SYNE1: variants seen among roughly 807,000 people sequenced by gnomAD.
SYNE1 encodes nesprin-1.
In SYNE1, 616 loss-of-function variants were observed where a neutral mutation model predicts 1,111.0. That is an observed-to-expected ratio of 0.55 (90% CI 0.52 to 0.59). The LOEUF is 0.59. SYNE1 is among the 20% of genes least tolerant of loss of function. The pLI is 0.00. For missense variants in SYNE1, 10,006 were observed against 10,417.0 expected (o/e 0.96, Z 1.72); for synonymous variants, 3,855 against 3,825.8 (o/e 1.01, Z -0.28).
At position 152,231,254 on chromosome 6, in the gene SYNE1, TTAACCTTCAGCGG is replaced by T. The variant is rs2082690331; in HGVS notation, c.21039+124_21039+136del. 5.9e-6 allele frequency: 5 copies of T among 848,398 alleles called. No individual in the cohort carries two copies. The Admixed American group carries it at 9.9e-5, about 17-fold the overall frequency. The allele number at this position is 848,398 out of a possible 1,614,324, so 52.6% of individuals were successfully genotyped here. On this transcript the variant is annotated intron_variant, in intron 114 of 145. Coordinates refer to ENST00000367255, the MANE Select transcript of SYNE1 (RefSeq NM_182961.4). ...ACAGGTTAAAGGAAGTTTAGGGTGA[TTAACCTTCAGCGG>T]TATTATTGGAAGCGTTCTTTGCCCA...
chr6:152,623,656 A>C (rs2099680205), intron 3 of SYNE1, among the ~76,000 whole-genome samples: 1 of 152,328 alleles, frequency 6.6e-6, no homozygotes, highest in African/African-American at 2.4e-5. Context: ...ATCTATAAGG[A>C]ACTTAAATTT....
chr6:152,459,069 A>T, intron 21 of SYNE1, 139 bp from the exon 22 acceptor site: 1 of 811,738 alleles, frequency 1.2e-6, no homozygotes, highest in Non-Finnish European at 2.0e-6. Flanking sequence ...CATTTCTTTA[A>T]TGATATTTCC....
In SYNE1 at chr6:152,364,835, A is replaced by G. The variant is rs112401775; in HGVS notation, c.10145+12T>C. On this transcript the variant is annotated intron_variant, in intron 63 of 145. Coordinates refer to ENST00000367255, the MANE Select transcript of SYNE1 (RefSeq NM_182961.4). ...AATAGCTTCCCCAGTGCTTGGCTGT[A>G]GTTTCCCTCACCTTTTACAACGAAT... 8.4e-3 allele frequency: 13,562 copies of G among 1,614,120 alleles called. 989 individuals carry two copies. The African/African-American group carries it at 0.16, about 19-fold the overall frequency.
At chr6:152,389,975 A>T (rs1033948794) in intron 53 of SYNE1, among the ~76,000 whole-genome samples, 8 of 152,252 alleles carry the variant, frequency 5.3e-5, no homozygotes, top group Non-Finnish European at 1.2e-4. Context: ...TTAAAGAACC[A>T]TATATTCTTG....
intron 4 of SYNE1, among the ~76,000 whole-genome samples, chr6:152,538,761 A>G (rs1370908184): frequency 6.6e-6 from 1 of 152,156 alleles, no homozygotes. Flanking sequence ...GCCTTTTTAC[A>G]GAGCAGATTG....
chr6:152,365,159 G>A, intron 62 of SYNE1, 140 bp from the exon 63 acceptor site: 2 of 1,038,514 alleles, frequency 1.9e-6, no homozygotes, highest in Non-Finnish European at 2.8e-6. Context: ...GAGACAGAGG[G>A]TGGGGAAGTG....
At chr6:152,623,848 A>G (rs2099680712) in intron 3 of SYNE1, among the ~76,000 whole-genome samples, 1 of 152,174 alleles carries the variant, frequency 6.6e-6, no homozygotes, top group Non-Finnish European at 1.5e-5. Flanking sequence ...ATCATAGCCA[A>G]TGATGCTAAA....
intron 65 of SYNE1, 114 bp downstream of exon 65, chr6:152,359,201 C>T (rs1309986464): frequency 6.8e-6 from 10 of 1,468,920 alleles, no homozygotes; most frequent in South Asian, 5.8e-5. Flanking sequence ...ATTCATTTTG[C>T]TTTTGTTCTG....
intron 2 of SYNE1, among the ~76,000 whole-genome samples, chr6:152,632,470 T>TTAATAAAAAGAAGG (rs565764399): frequency 1.5e-4 from 23 of 152,310 alleles, no homozygotes; most frequent in African/African-American, 5.1e-4. Context: ...TTAAATGATG[T>TTAATAAAAAGAAGG]TAATAAAAAG....
chr6:152,290,706 T>TTGG (rs2094561957), intron 95 of SYNE1, among the ~76,000 whole-genome samples: 1 of 152,178 alleles, frequency 6.6e-6, no homozygotes, highest in African/African-American at 2.4e-5. Flanking sequence ...CAAGAGAGTG[T>TTGG]TGGGAAAGAA....
chr6:152,318,933 T>C lies in SYNE1; in HGVS notation c.16319A>G (p.Asp5440Gly). Residue 5440 changes from aspartate (D) to glycine (G), a missense_variant, in exon 85 of 146, where the codon GAC (aspartate) becomes GGC (glycine). By Grantham distance (94) the Asp-to-Gly change is moderately conservative (BLOSUM62 -1). This residue lies in a region of SYNE1 where 4,955 missense variants were observed against 5,017.2 expected (regional missense o/e 0.99). Coordinates refer to ENST00000367255, the MANE Select transcript of SYNE1 (RefSeq NM_182961.4). ...LSRQIQKLAK[D>G]LTTILTKLKA... The stretch of plus-strand genomic sequence containing the variant: ...CAGCTTAGTTAGAATAGTTGTGAGG[T>C]CTTTAGCTAACTTCTGAATTTGCCG... The C allele has an allele frequency of 6.2e-7, 1 of 1,614,208 alleles. No individual in the cohort carries two copies. The highest frequency in any genetic ancestry group is 8.5e-7 in the Non-Finnish European group (1 of 1,180,034).
intron 59 of SYNE1, among the ~76,000 whole-genome samples, chr6:152,369,982 CAA>C (rs778013525): frequency 0.021 from 1,033 of 49,858 alleles, no homozygotes; most frequent in African/African-American, 0.082. Context: ...GACTCTGTCT[CAA>C]AAAAAAAAAA....
intron 39 of SYNE1, among the ~76,000 whole-genome samples, chr6:152,423,917 G>A (rs549356767): frequency 3.9e-5 from 6 of 152,142 alleles, no homozygotes; most frequent in African/African-American, 9.7e-5. Context: ...GAGAGGTCTC[G>A]CTTGACCACC....
intron 16 of SYNE1, 125 bp downstream of exon 16, chr6:152,471,472 C>T: frequency 2.3e-6 from 2 of 875,642 alleles, no homozygotes; most frequent in Non-Finnish European, 3.7e-6. Flanking sequence ...TTGTATCTAA[C>T]CCATTTAACA....
chr6:152,570,124 T>A (rs2099441307), intron 3 of SYNE1, among the ~76,000 whole-genome samples: 1 of 152,258 alleles, frequency 6.6e-6, no homozygotes, highest in Non-Finnish European at 1.5e-5. Flanking sequence ...ATTATTTCCA[T>A]GTTAATAATA....
In SYNE1 at chr6:152,448,396, T is replaced by C. The variant is rs574471311; in HGVS notation, c.3505-774A>G. Reference sequence around the variant, plus strand: ...GGCAAATGCACACCAGCCAGGAAACTGTTGGTTCCAGACCCCAGTGATCTC... The same window carrying C: ...GGCAAATGCACACCAGCCAGGAAACCGTTGGTTCCAGACCCCAGTGATCTC... On this transcript the variant is annotated intron_variant, in intron 28 of 145. Transcript: ENST00000367255. Among the ~76,000 whole-genome samples, 68 of 152,308 alleles carry C rather than the reference T, an allele frequency of 4.5e-4. 1 individual carries two copies. The highest frequency in any genetic ancestry group is 1.4e-3 in the African/African-American group (59 of 41,556).
chr6:152,360,323 G>A (rs1044484910), intron 64 of SYNE1, among the ~76,000 whole-genome samples: 10 of 152,050 alleles, frequency 6.6e-5, no homozygotes, highest in African/African-American at 2.4e-4. Context: ...GCTCCCCACT[G>A]CACCAGGATA....
Position 152,428,367 on chromosome 6 carries a change from A to T in SYNE1, c.4814T>A (p.Leu1605Gln), listed in dbSNP as rs200788718. ...HMDLCQALESLSSAITAFSAS... is the reference protein window; with the variant it reads ...HMDLCQALESQSSAITAFSAS... ...TGAGAAGGCAGTGATCGCGCTGCTC[A>T]GTGACTCCAGGGCCTGGCAGAGATC... Residue 1605 changes from leucine to glutamine, a missense_variant, in exon 37 of 146, where the codon CTG (leucine) becomes CAG (glutamine). This residue lies in a region of SYNE1 where 1,971 missense variants were observed against 2,084.1 expected (regional missense o/e 0.95). Transcript: ENST00000367255. 1 of 1,613,926 alleles carries T rather than the reference A, an allele frequency of 6.2e-7. No individual in the cohort carries two copies. The highest frequency in any genetic ancestry group is 2.2e-5 in the East Asian group (1 of 44,874).
chr6:152,348,878 G>A (rs375385301), intron 72 of SYNE1, among the ~76,000 whole-genome samples: 14 of 152,014 alleles, frequency 9.2e-5, no homozygotes, highest in Admixed American at 5.2e-4. Flanking sequence ...TACAAACAGC[G>A]CTGGGCTAGC....
Sources: allele counts gnomAD v4.1 joint callset (sites outside exome capture counted in the v4.1 genomes callset), GRCh38; gene constraint gnomAD v4.1.1; regional missense constraint gnomAD v4.1.1; transcripts MANE v1.5; gene names NCBI Gene and HGNC (gene_info 2026-07-23, HGNC 2026-07-21).